Variants in HSD17B3 observed in about 807,000 individuals in gnomAD.
The protein encoded by HSD17B3 is hydroxysteroid 17-beta dehydrogenase 3.
Under a neutral mutation model 41.1 loss-of-function variants are expected in HSD17B3, and 29 were observed. That is an observed-to-expected ratio of 0.71 (90% CI 0.53 to 0.96). HSD17B3 has a LOEUF of 0.96. Among genes scored for constraint, HSD17B3 ranks in the 40% least tolerant of loss-of-function variants. The pLI is 0.00. For missense variants in HSD17B3, 323 were observed against 374.6 expected (o/e 0.86, Z 1.14); for synonymous variants, 126 against 145.6 (o/e 0.87, Z 0.97).
chr9:96,273,365 T>C (rs2130765486), intron 2 of HSD17B3, among the ~76,000 whole-genome samples: 1 of 150,644 alleles, frequency 6.6e-6, no homozygotes, highest in South Asian at 2.2e-4. Context: ...GATGAACACA[T>C]AGAAATGCAT....
At chr9:96,238,751 T>C (rs1468173148) in intron 10 of HSD17B3, among the ~76,000 whole-genome samples, 3 of 152,010 alleles carry the variant, frequency 2.0e-5, no homozygotes, top group Non-Finnish European at 4.4e-5. Context: ...GTGTCCTCTG[T>C]CGGGTGTGAG....
At chr9:96,242,169 A>G (rs543095116) in intron 9 of HSD17B3, among the ~76,000 whole-genome samples, 27 of 152,302 alleles carry the variant, frequency 1.8e-4, no homozygotes, top group African/African-American at 5.3e-4. Flanking sequence ...TTAAAGCATG[A>G]TTAATTTGTA....
rs565582192 is a variant in HSD17B3, at chr9:96,249,872, T to C, written c.454-86A>G. On this transcript the variant is annotated intron_variant, in intron 5 of 10. Transcript: ENST00000375263. The stretch of plus-strand genomic sequence containing the variant: ...TAGTTGGTGCTAAAGAACCATGAAG[T>C]GGGCAAAAGTGCATGTCTGAACGGT... 35 of 1,610,874 alleles carry C rather than the reference T, an allele frequency of 2.2e-5. No individual in the cohort carries two copies. In the South Asian group the frequency reaches 3.4e-4, roughly 16 times the overall value.
intron 2 of HSD17B3, among the ~76,000 whole-genome samples, chr9:96,297,002 T>G (rs1003407991): frequency 3.3e-5 from 5 of 151,298 alleles, no homozygotes; most frequent in African/African-American, 4.9e-5. Context: ...ACCACTGCAT[T>G]CCAGCCTGGG....
intron 1 of HSD17B3, 50 bp from the exon 2 acceptor site, chr9:96,298,512 C>T: frequency 6.7e-7 from 1 of 1,498,002 alleles, no homozygotes; most frequent in Non-Finnish European, 9.3e-7. Flanking sequence ...CTTTAAACTT[C>T]TCTTTCTCAC....
In HSD17B3 at chr9:96,245,388, G is replaced by A; in HGVS notation, c.563C>T (p.Ala188Val). Reference sequence around the variant, plus strand: ...GGAGTAGAGAGGCCAAGGAAACAGGGCTATCCCAGAAGAAATGTTCAGGAT... The same window carrying A: ...GGAGTAGAGAGGCCAAGGAAACAGGACTATCCCAGAAGAAATGTTCAGGAT... ...GLILNISSGI[A>V]LFPWPLYSMY... The change falls in exon 8 of 11, where the codon GCC (alanine) becomes GTC (valine). Residue 188 changes from alanine to valine, a missense_variant. Physicochemically the swap from Ala to Val is moderately conservative, Grantham distance 64 (BLOSUM62 0). Transcript: ENST00000375263. The A allele has an allele frequency of 6.2e-7, 1 of 1,614,068 alleles. No individual in the cohort carries two copies. The highest frequency in any genetic ancestry group is 8.5e-7 in the Non-Finnish European group (1 of 1,179,930).
rs550716715 is a variant in HSD17B3 at position 96,278,046 on chromosome 9, GA to G, written c.201+20369del. 3.6e-4 allele frequency among the ~76,000 whole-genome samples: 55 copies of G among 152,306 alleles called. No individual in the cohort carries two copies. The East Asian group carries it at 8.9e-3, about 25-fold the overall frequency. Reference sequence around the variant, plus strand: ...GGAATCTAAAACAGTCAAGCTCATGGAACTACAGAGTAGAATGTTGCTGCTA... The same window carrying G: ...GGAATCTAAAACAGTCAAGCTCATGGACTACAGAGTAGAATGTTGCTGCTA... On this transcript the variant is annotated intron_variant, in intron 2 of 10. Transcript: ENST00000375263.
intron 6 of HSD17B3, 116 bp from the exon 7 acceptor site, chr9:96,246,706 A>C: frequency 1.1e-6 from 1 of 908,294 alleles, no homozygotes; most frequent in Non-Finnish European, 1.8e-6. Context: ...TCATCTTCTC[A>C]GACGGCCTTG....
At chr9:96,253,357 AGC>A (rs1056143675) in intron 3 of HSD17B3, among the ~76,000 whole-genome samples, 5 of 152,194 alleles carry the variant, frequency 3.3e-5, no homozygotes, top group Non-Finnish European at 7.3e-5. Flanking sequence ...CAGCTGTAAA[AGC>A]AAGGTCTGAC....
At position 96,235,468 on chromosome 9, in the gene HSD17B3, C is replaced by A; in HGVS notation, c.925G>T (p.Val309Phe). Reference protein sequence around the residue: ...YVAYLKLNTKVR With the variant: ...YVAYLKLNTKFR The stretch of plus-strand genomic sequence containing the variant: ...GACTCCTCACCGCCTGGCTACCTGA[C>A]CTTGGTGTTGAGCTTCAGGTATGCC... The change falls in exon 11 of 11, where the codon GTC (valine) becomes TTC (phenylalanine). Residue 309 changes from valine to phenylalanine, a missense_variant. By Grantham distance (50) the Val-to-Phe change is conservative. Coordinates refer to ENST00000375263, the MANE Select transcript of HSD17B3 (RefSeq NM_000197.2). 1 of 1,612,382 alleles carries A rather than the reference C, an allele frequency of 6.2e-7. No homozygotes were observed. The highest frequency in any genetic ancestry group is 1.1e-5 in the South Asian group (1 of 90,878).
At chr9:96,266,878 C>T (rs1487871139) in intron 2 of HSD17B3, among the ~76,000 whole-genome samples, 1 of 152,066 alleles carries the variant, frequency 6.6e-6, no homozygotes, top group Non-Finnish European at 1.5e-5. Flanking sequence ...GGCCTTCACT[C>T]TACAGGCAGG....
chr9:96,287,705 G>A (rs1826979397), intron 2 of HSD17B3, among the ~76,000 whole-genome samples: 1 of 150,828 alleles, frequency 6.6e-6, no homozygotes, highest in African/African-American at 2.5e-5. Context: ...GCGAGACTCC[G>A]TCTCTAAATA....
chr9:96,255,241 T>G, intron 2 of HSD17B3, among the ~76,000 whole-genome samples: 1 of 152,006 alleles, frequency 6.6e-6, no homozygotes, highest in African/African-American at 2.4e-5. Context: ...TGAAAGTGCT[T>G]CTCTGAAATT....
At chr9:96,300,209 G>GACACACACACACACACACACACACACAC (rs55707445) in intron 1 of HSD17B3, among the ~76,000 whole-genome samples, 1 of 116,310 alleles carries the variant, frequency 8.6e-6, no homozygotes, top group Non-Finnish European at 1.8e-5. Flanking sequence ...ACCCCAAGAG[G>GACACACACACACACACACACACACACAC]ACACACACAC....
intron 2 of HSD17B3, among the ~76,000 whole-genome samples, chr9:96,271,636 A>G (rs1179474127): frequency 6.6e-6 from 1 of 152,210 alleles, no homozygotes; most frequent in Non-Finnish European, 1.5e-5. Flanking sequence ...TGAAGAAGAG[A>G]GCAAGAACCC....
At chr9:96,283,123 A>G (rs1422208752) in intron 2 of HSD17B3, among the ~76,000 whole-genome samples, 1 of 146,440 alleles carries the variant, frequency 6.8e-6, no homozygotes, top group African/African-American at 2.5e-5. Flanking sequence ...CTCCTGCCCC[A>G]GCCTCCTGAG....
chr9:96,252,697 C>A, intron 4 of HSD17B3, 106 bp downstream of exon 4: 1 of 772,212 alleles, frequency 1.3e-6, no homozygotes, highest in Non-Finnish European at 2.3e-6. Flanking sequence ...AAAATACAGT[C>A]ATGGTTTGAG....
chr9:96,249,091 G>A (rs1183619982), intron 6 of HSD17B3, among the ~76,000 whole-genome samples: 1 of 152,094 alleles, frequency 6.6e-6, no homozygotes, highest in East Asian at 1.9e-4. Flanking sequence ...TTTTTTAGTA[G>A]AGACAGGGTT....
intron 2 of HSD17B3, among the ~76,000 whole-genome samples, chr9:96,258,248 G>T (rs1443377293): frequency 6.6e-6 from 1 of 152,016 alleles, no homozygotes; most frequent in Admixed American, 6.6e-5. Context: ...TGTTCTTTTT[G>T]ATTTTCCTTA....
Sources: gnomAD v4.1 joint callset for allele counts (sites outside exome capture counted in the v4.1 genomes callset) on GRCh38, gnomAD v4.1.1 for gene constraint, MANE v1.5 for transcripts, NCBI Gene and HGNC (gene_info 2026-07-23, HGNC 2026-07-21) for gene names.